The following NUP210L variants were observed in gnomAD, a reference collection of about 807,000 sequenced individuals.
NUP210L encodes nucleoporin 210 like, also known as nuclear pore membrane glycoprotein 210-like.
In NUP210L, 74 loss-of-function variants were observed where a neutral mutation model predicts 208.5. The ratio of observed to expected loss-of-function variants is 0.35; its 90% CI spans 0.29 to 0.43. The LOEUF (loss-of-function observed/expected upper bound fraction) is 0.43. Ranked by LOEUF, NUP210L falls within the 20% of genes least tolerant of loss-of-function variation. The pLI is 1.00. For synonymous variants in NUP210L, 780 were observed against 816.9 expected, an observed-to-expected ratio of 0.95 and a Z score of 0.77; for missense variants, 1,843 against 2,289.4, an observed-to-expected ratio of 0.81 and a Z score of 3.98.
chr1:154,046,339 T>G (rs759673173), exon 26 of NUP210L: 90 of 1,614,068 alleles, frequency 5.6e-5, no homozygotes, highest in Admixed American at 3.3e-4. Flanking sequence ...CTAACAGCCC[T>G]TAGCTGAACA....
At chr1:154,056,746 A>G in intron 23 of NUP210L, 69 bp downstream of exon 23, 2 of 1,466,824 alleles carry the variant, frequency 1.4e-6, no homozygotes, top group Non-Finnish European at 1.8e-6. Flanking sequence ...ACTTGTATAA[A>G]CTAACAGAAA....
chr1:154,095,746 A>G (rs1656147613), intron 14 of NUP210L, among the ~76,000 whole-genome samples: 1 of 152,216 alleles, frequency 6.6e-6, no homozygotes, highest in Non-Finnish European at 1.5e-5. Flanking sequence ...TGCCCTAAAA[A>G]TATAAAAATA....
At chr1:154,008,319 G>A (rs115262777) in intron 35 of NUP210L, among the ~76,000 whole-genome samples, 2,950 of 152,118 alleles carry the variant, frequency 0.019, 104 homozygotes, top group African/African-American at 0.067. Flanking sequence ...TTGGGAGGCC[G>A]AGGTGGATCA....
intron 3 of NUP210L, among the ~76,000 whole-genome samples, chr1:154,142,578 T>C (rs1284427195): frequency 6.6e-6 from 1 of 152,072 alleles, no homozygotes; most frequent in African/African-American, 2.4e-5. Context: ...AGAAGCTCAG[T>C]GGTAGATTTG....
chr1:154,065,086 T>TAAATA (rs57418988), intron 17 of NUP210L, among the ~76,000 whole-genome samples: 16,723 of 134,418 alleles, frequency 0.12, 1,272 homozygotes, highest in Non-Finnish European at 0.18. Context: ...AGTAAATAAA[T>TAAATA]AAATAAAATA....
At chr1:153,992,801 C>T (rs369908155) in exon 40 of NUP210L, 18 of 1,402,284 alleles carry the variant, frequency 1.3e-5, no homozygotes, top group Non-Finnish European at 1.8e-5. Context: ...ATCTTCATTC[C>T]CCTGCAGTTA....
Position 154,125,620 on chromosome 1 carries a change from T to A in NUP210L, c.1326+703A>T, listed in dbSNP as rs189364308. 2.6e-4 allele frequency among the ~76,000 whole-genome samples: 17 copies of A among 64,278 alleles called. 1 individual carries two copies. Among genetic ancestry groups the A allele is most frequent in the South Asian group, 9.7e-4 (2 of 2,058 alleles). 42.2% of individuals were successfully genotyped at this position (64,278 alleles called of 152,430 possible). On this transcript the variant is annotated intron_variant, in intron 10 of 39. Transcript: ENST00000368559. ...CTGGCTGATGAAATGAGGCCCTCTC[T>A]GAAAGGAAGGAAGGAAGGAAGGAAG...
At chr1:154,003,883 C>T (rs1650351567) in intron 35 of NUP210L, among the ~76,000 whole-genome samples, 1 of 152,110 alleles carries the variant, frequency 6.6e-6, no homozygotes, top group African/African-American at 2.4e-5. Flanking sequence ...TCTGCCCCTT[C>T]TTAGTATTTC....
chr1:154,065,264 TAAA>T (rs939023065), intron 17 of NUP210L, among the ~76,000 whole-genome samples: 2 of 149,524 alleles, frequency 1.3e-5, no homozygotes, highest in African/African-American at 2.5e-5. Flanking sequence ...TACAAAAAAT[TAAA>T]AAATTAGCTG....
intron 12 of NUP210L, among the ~76,000 whole-genome samples, chr1:154,104,964 C>A (rs560215771): frequency 1.4e-4 from 22 of 152,242 alleles, no homozygotes; most frequent in African/African-American, 5.3e-4. Flanking sequence ...GAGAGTTTCT[C>A]CTTCTTCCTA....
chr1:154,054,275 T>G lies in NUP210L; in HGVS notation c.3436A>C (p.Ile1146Leu), dbSNP rs1331019721. 5 of 1,614,092 alleles carry G rather than the reference T, an allele frequency of 3.1e-6. No individual in the cohort carries two copies. In the African/African-American group the frequency reaches 6.7e-5, roughly 22 times the overall value. ...CCAGTATCTTCATTTACTGTCTGGA[T>G]GGTGCCATGAACCACAGCTGTGCCA... Residue 1146 changes from isoleucine (I) to leucine (L), a missense_variant, in exon 25 of 40, where the codon ATC (isoleucine) becomes CTC (leucine). By Grantham distance (5) the Ile-to-Leu change is conservative. This residue lies in a region of NUP210L where 781 missense variants were observed against 973.8 expected (regional missense o/e 0.80). Coordinates refer to ENST00000368559, the Ensembl canonical transcript of NUP210L.
intron 6 of NUP210L, among the ~76,000 whole-genome samples, chr1:154,137,274 C>T (rs1339746287): frequency 1.3e-5 from 2 of 151,814 alleles, no homozygotes; most frequent in African/African-American, 2.4e-5. Flanking sequence ...AAAAAGAGGC[C>T]GGGAGTGATG....
At chr1:154,070,532 T>A (rs747089564) in intron 16 of NUP210L, 67 bp from the exon 17 acceptor site, 109 of 1,061,786 alleles carry the variant, frequency 1.0e-4, no homozygotes, top group Non-Finnish European at 7.7e-5. Flanking sequence ...TAGTAAGATA[T>A]CTCTAAAGCT....
chr1:154,125,660 AG>A (rs1424963716), intron 10 of NUP210L, among the ~76,000 whole-genome samples: 3 of 1,918 alleles, frequency 1.6e-3, no homozygotes, highest in Non-Finnish European at 2.5e-3. Flanking sequence ...GAAGGAAGGA[AG>A]GAAGGAAGGA....
intron 2 of NUP210L, among the ~76,000 whole-genome samples, chr1:154,152,266 G>T (rs956021960): frequency 6.6e-6 from 1 of 150,826 alleles, no homozygotes; most frequent in African/African-American, 2.4e-5. Context: ...TGTCTCCCGG[G>T]TTCAAGCGAT....
intron 7 of NUP210L, among the ~76,000 whole-genome samples, chr1:154,130,340 T>G (rs1319189023): frequency 6.6e-6 from 1 of 151,654 alleles, no homozygotes; most frequent in African/African-American, 2.4e-5. Context: ...CAGCATGATC[T>G]TGGCTCACTG....
At position 154,002,000 on chromosome 1, in the gene NUP210L, G is replaced by A. The variant is rs1333239957; in HGVS notation, c.4931-15C>T. ...GACATAAACCCCTGGAAAAAAAAGA[G>A]GAAAAACTGAGCAGGAAGGTTCAGA... is the stretch of plus-strand genomic sequence containing the variant. On this transcript the variant is annotated splice_polypyrimidine_tract_variant and intron_variant, in intron 35 of 39. Coordinates refer to ENST00000368559, the Ensembl canonical transcript of NUP210L. 6.2e-7 allele frequency: 1 copy of A among 1,610,892 alleles called. No homozygotes were observed. The highest frequency in any genetic ancestry group is 2.2e-5 in the East Asian group (1 of 44,818).
intron 11 of NUP210L, 130 bp downstream of exon 11, chr1:154,118,541 G>C (rs6661101): frequency 0.34 from 206,413 of 604,172 alleles, 37,415 homozygotes; most frequent in Admixed American, 0.48. Flanking sequence ...TATAATTTTG[G>C]TTGTCACCAA....
At chr1:154,153,019 G>A (rs1017978664) in intron 1 of NUP210L, 147 bp from the exon 2 acceptor site, 6 of 655,236 alleles carry the variant, frequency 9.2e-6, no homozygotes, top group Non-Finnish European at 1.3e-5. Flanking sequence ...GCTTAGGGAT[G>A]CGATAATTAA....
Sources: gnomAD v4.1 joint callset for allele counts (sites outside exome capture counted in the v4.1 genomes callset) on GRCh38, gnomAD v4.1.1 for gene constraint, gnomAD v4.1.1 regional missense constraint, MANE v1.5 for transcripts, NCBI Gene and HGNC (gene_info 2026-07-23, HGNC 2026-07-21) for gene names.